Variants in CDKAL1 observed in about 807,000 individuals in gnomAD.
CDKAL1 encodes the protein threonylcarbamoyladenosine tRNA methylthiotransferase.
A neutral mutation model predicts 68.2 loss-of-function variants in CDKAL1; 32 were observed. That is an observed-to-expected ratio of 0.47 (90% confidence interval 0.35 to 0.63). The LOEUF is 0.63. Ranked by LOEUF, CDKAL1 falls within the 30% of genes least tolerant of loss-of-function variation. CDKAL1 has a pLI of 0.00. For synonymous variants in CDKAL1, 234 were observed against 244.3 expected (o/e 0.96, Z 0.39); for missense variants, 606 against 696.7 (o/e 0.87, Z 1.47).
chr6:20,711,527 G>C (rs528943043), intron 5 of CDKAL1, among the ~76,000 whole-genome samples: 1 of 152,162 alleles, frequency 6.6e-6, no homozygotes, highest in Non-Finnish European at 1.5e-5. Context: ...AACAGAGGCA[G>C]GAATGAGTTG....
chr6:21,114,106 G>A (rs1344011045), intron 13 of CDKAL1, among the ~76,000 whole-genome samples: 1 of 151,930 alleles, frequency 6.6e-6, no homozygotes, highest in Admixed American at 6.5e-5. Flanking sequence ...AAATTAGCCG[G>A]GCGTGGTGGC....
chr6:20,625,836 T>A (rs1407905300), intron 4 of CDKAL1, among the ~76,000 whole-genome samples: 1 of 152,178 alleles, frequency 6.6e-6, no homozygotes, highest in Non-Finnish European at 1.5e-5. Flanking sequence ...CCAGATTTTG[T>A]AAGATTGTAA....
chr6:20,714,965 A>T (rs937967602), intron 5 of CDKAL1, among the ~76,000 whole-genome samples: 1 of 152,214 alleles, frequency 6.6e-6, no homozygotes, highest in Non-Finnish European at 1.5e-5. Flanking sequence ...TAAATTTAAG[A>T]TACGTGATCA....
chr6:20,536,177 C>G (rs1407764425), intron 2 of CDKAL1, among the ~76,000 whole-genome samples: 1 of 151,340 alleles, frequency 6.6e-6, no homozygotes, highest in East Asian at 1.9e-4. Context: ...CTGAAGTGAT[C>G]CTGCCACCTT....
At chr6:21,196,579 G>T (rs1297323495) in intron 13 of CDKAL1, among the ~76,000 whole-genome samples, 6 of 152,194 alleles carry the variant, frequency 3.9e-5, no homozygotes, top group Non-Finnish European at 8.8e-5. Flanking sequence ...AAATTATGGT[G>T]TATTTAGGTA....
At chr6:21,155,515 T>TC (rs1776601792) in intron 13 of CDKAL1, among the ~76,000 whole-genome samples, 1 of 152,210 alleles carries the variant, frequency 6.6e-6, no homozygotes, top group African/African-American at 2.4e-5. Context: ...GGACATCACC[T>TC]CCCATGGTAG....
intron 8 of CDKAL1, among the ~76,000 whole-genome samples, chr6:20,808,133 A>G (rs893786971): frequency 1.3e-5 from 2 of 152,234 alleles, no homozygotes; most frequent in South Asian, 2.1e-4. Context: ...TCATATGTCA[A>G]TATTAGCAGA....
chr6:21,014,132 G>T (rs575150248), intron 11 of CDKAL1, among the ~76,000 whole-genome samples: 2 of 152,138 alleles, frequency 1.3e-5, no homozygotes, highest in Non-Finnish European at 2.9e-5. Flanking sequence ...AATTGTACAG[G>T]ACACTTCACT....
intron 8 of CDKAL1, among the ~76,000 whole-genome samples, chr6:20,790,996 AG>A (rs1775876644): frequency 6.6e-6 from 1 of 152,216 alleles, no homozygotes; most frequent in Non-Finnish European, 1.5e-5. Context: ...GATCAATCAG[AG>A]GGAAGTGTGC....
intron 4 of CDKAL1, among the ~76,000 whole-genome samples, chr6:20,642,305 A>C (rs779654212): frequency 3.9e-5 from 6 of 152,138 alleles, no homozygotes; most frequent in Non-Finnish European, 8.8e-5. Context: ...AAACGATAAA[A>C]AAGTAAAATG....
chr6:20,691,405 C>T (rs1424316755), intron 5 of CDKAL1, among the ~76,000 whole-genome samples: 2 of 151,748 alleles, frequency 1.3e-5, no homozygotes, highest in South Asian at 2.1e-4. Context: ...GAGCTTACAC[C>T]GAGTAATGGT....
intron 9 of CDKAL1, among the ~76,000 whole-genome samples, chr6:20,848,142 C>A (rs192513070): frequency 6.8e-5 from 7 of 103,340 alleles, no homozygotes; most frequent in African/African-American, 1.8e-4. Context: ...TACAAAGTTA[C>A]ATGCTTATGC....
At chr6:21,202,713 C>T (rs1778740240) in intron 15 of CDKAL1, among the ~76,000 whole-genome samples, 2 of 152,300 alleles carry the variant, frequency 1.3e-5, no homozygotes, top group South Asian at 4.1e-4. Flanking sequence ...TTGTAAACAT[C>T]ACCATTGATA....
chr6:20,994,133 C>A (rs1766981821), intron 10 of CDKAL1, among the ~76,000 whole-genome samples: 1 of 152,166 alleles, frequency 6.6e-6, no homozygotes, highest in Admixed American at 6.5e-5. Context: ...GCTTCTTTTT[C>A]CCTTGGTAAA....
At chr6:20,553,455 G>A (rs751402446) in intron 4 of CDKAL1, among the ~76,000 whole-genome samples, 2 of 152,140 alleles carry the variant, frequency 1.3e-5, no homozygotes, top group African/African-American at 2.4e-5. Flanking sequence ...GTTGCTGTGA[G>A]CTGAGATTGC....
Position 21,069,804 on chromosome 6 carries a change from T to TTTTTTTTTTTA in CDKAL1, c.1236+4576_1236+4577insTTTTTTTTTTA, listed in dbSNP as rs60342057. On this transcript the variant is annotated intron_variant, in intron 12 of 15. Transcript: ENST00000274695. Reference sequence around the variant, plus strand: ...TTTTTTTTTTTTTTTTTTTTTTTTTTAAAACAGAGCCTTGCTCTGTCACCC... The same window carrying TTTTTTTTTTTA: ...TTTTTTTTTTTTTTTTTTTTTTTTTTTTTTTTTTTTAAAAACAGAGCCTTGCTCTGTCACCC... Among the ~76,000 whole-genome samples, 7 of 85,476 alleles carry TTTTTTTTTTTA rather than the reference T, an allele frequency of 8.2e-5. 1 individual carries two copies. The highest frequency in any genetic ancestry group is 8.9e-5 in the Non-Finnish European group (4 of 44,846). The allele number at this position is 85,476 out of a possible 152,430, so 56.1% of individuals were successfully genotyped here.
chr6:20,707,118 C>T (rs1483859653), intron 5 of CDKAL1, among the ~76,000 whole-genome samples: 2 of 152,190 alleles, frequency 1.3e-5, no homozygotes, highest in East Asian at 1.9e-4. Flanking sequence ...TGAGGAGTTA[C>T]ATTACACAAA....
At chr6:21,082,844 C>T (rs1240077540) in intron 12 of CDKAL1, among the ~76,000 whole-genome samples, 9 of 149,316 alleles carry the variant, frequency 6.0e-5, no homozygotes. Flanking sequence ...CGAACTAAGT[C>T]TGAACGTGAA....
chr6:20,792,755 G>A (rs566675199), intron 8 of CDKAL1, among the ~76,000 whole-genome samples: 2 of 152,242 alleles, frequency 1.3e-5, no homozygotes, highest in South Asian at 2.1e-4. Flanking sequence ...ACAGAAATTT[G>A]CAGAACATCT....
Sources: gnomAD v4.1 joint callset for allele counts (sites outside exome capture counted in the v4.1 genomes callset) on GRCh38, gnomAD v4.1.1 for gene constraint, MANE v1.5 for transcripts, NCBI Gene and HGNC (gene_info 2026-07-23, HGNC 2026-07-21) for gene names.